Variants in WWOX observed in about 807,000 individuals in gnomAD.
The protein encoded by WWOX is WW domain-containing oxidoreductase.
Under a neutral mutation model 46.2 loss-of-function variants are expected in WWOX, and 69 were observed. That is an observed-to-expected ratio of 1.49 (90% CI 1.23 to 1.82). The LOEUF is 1.82. Among genes scored for constraint, WWOX ranks in the 40% most tolerant of loss-of-function variants. The pLI is 0.00. For synonymous variants in WWOX, 359 were observed against 202.6 expected (o/e 1.77, Z -6.56); for missense variants, 919 against 542.6 (o/e 1.69, Z -6.89).
chr16:78,487,830 G>T lies in WWOX; in HGVS notation c.1056+55078G>T, dbSNP rs188935269. On this transcript the variant is annotated intron_variant, in intron 8 of 8. Transcript: ENST00000566780. Reference sequence around the variant, plus strand: ...TTGTTTTTAGCCCTCCTTTTCTCTGGCTTCCAGGAACCACCAATCCCCCAA... The same window carrying T: ...TTGTTTTTAGCCCTCCTTTTCTCTGTCTTCCAGGAACCACCAATCCCCCAA... Among the ~76,000 whole-genome samples the T allele has an allele frequency of 5.4e-3, 821 of 152,118 alleles. 8 individuals carry two copies. Among genetic ancestry groups the T allele is most frequent in the Non-Finnish European group, 8.4e-3 (569 of 68,020 alleles).
At chr16:78,578,272 A>ATT (rs1567657334) in intron 8 of WWOX, among the ~76,000 whole-genome samples, 11 of 28,238 alleles carry the variant, frequency 3.9e-4, no homozygotes, top group African/African-American at 1.5e-3. Context: ...ATATATATAT[A>ATT]TATATATATA....
intron 8 of WWOX, among the ~76,000 whole-genome samples, chr16:78,577,370 A>G (rs2044911012): frequency 6.6e-6 from 1 of 152,214 alleles, no homozygotes; most frequent in African/African-American, 2.4e-5. Context: ...CAGAGCTTTT[A>G]AAACTGAGCA....
chr16:78,578,353 A>C (rs1347527347), intron 8 of WWOX, among the ~76,000 whole-genome samples: 1 of 126,672 alleles, frequency 7.9e-6, no homozygotes, highest in Non-Finnish European at 1.6e-5. Flanking sequence ...GCAGTGGCGC[A>C]ATCTCGGCTC....
chr16:78,113,750 C>T lies in WWOX; in HGVS notation c.231-1226C>T, dbSNP rs535242683. 3.4e-4 allele frequency among the ~76,000 whole-genome samples: 52 copies of T among 152,200 alleles called. 2 individuals are homozygous for T. The highest frequency in any genetic ancestry group is 1.2e-3 in the African/African-American group (51 of 41,496). On this transcript the variant is annotated intron_variant, in intron 3 of 8. Coordinates refer to ENST00000566780, the MANE Select transcript of WWOX (RefSeq NM_016373.4). ...ATAGTCACGTTTGGCTCTTGTAAGCCAGTTTGAGCCAGTCTAGCATAGAAC... is the reference window on the plus strand; with the variant it reads ...ATAGTCACGTTTGGCTCTTGTAAGCTAGTTTGAGCCAGTCTAGCATAGAAC...
intron 8 of WWOX, among the ~76,000 whole-genome samples, chr16:78,708,444 T>C (rs976396606): frequency 3.3e-5 from 5 of 152,188 alleles, no homozygotes; most frequent in Admixed American, 1.3e-4. Context: ...TCACAGGGTC[T>C]TGGTATCTTT....
At chr16:78,840,119 A>G (rs148094711) in intron 8 of WWOX, among the ~76,000 whole-genome samples, 65 of 152,340 alleles carry the variant, frequency 4.3e-4, no homozygotes, top group Middle Eastern at 3.4e-3. Flanking sequence ...AAAATAAGTT[A>G]TCATTATGGC....
At chr16:78,338,172 A>G (rs113203900) in intron 5 of WWOX, among the ~76,000 whole-genome samples, 13,755 of 111,904 alleles carry the variant, frequency 0.12, 4,171 homozygotes, top group East Asian at 0.21. Flanking sequence ...ACATGGAAAC[A>G]AACTTTTAAA....
intron 8 of WWOX, among the ~76,000 whole-genome samples, chr16:79,118,272 G>C (rs897673226): frequency 1.2e-4 from 19 of 152,342 alleles, no homozygotes; most frequent in Admixed American, 1.1e-3. Context: ...GAGAACAGCA[G>C]GTTGCTGGAG....
chr16:78,167,163 G>A (rs554551427), intron 5 of WWOX: 3 of 152,240 alleles, frequency 2.0e-5, no homozygotes, highest in African/African-American at 7.2e-5. Flanking sequence ...CAATATATAT[G>A]AGAACACATT....
intron 8 of WWOX, among the ~76,000 whole-genome samples, chr16:78,433,022 G>C (rs2083260917): frequency 6.6e-6 from 1 of 151,094 alleles, no homozygotes; most frequent in South Asian, 2.1e-4. Flanking sequence ...TGATTTTTTT[G>C]TTTGTTTGGT....
At chr16:78,736,046 A>G (rs2049084191) in intron 8 of WWOX, among the ~76,000 whole-genome samples, 1 of 152,174 alleles carries the variant, frequency 6.6e-6, no homozygotes, top group African/African-American at 2.4e-5. Flanking sequence ...CAGACTAGAG[A>G]TGAAGACAGG....
intron 8 of WWOX, among the ~76,000 whole-genome samples, chr16:78,869,243 A>G (rs1029011308): frequency 6.6e-6 from 1 of 152,098 alleles, no homozygotes; most frequent in Non-Finnish European, 1.5e-5. Flanking sequence ...GCAGATCTCT[A>G]TCCTGTCACC....
chr16:78,381,884 C>G (rs184684500), intron 5 of WWOX, among the ~76,000 whole-genome samples: 1 of 151,986 alleles, frequency 6.6e-6, no homozygotes, highest in Non-Finnish European at 1.5e-5. Flanking sequence ...TCCTTTTTTA[C>G]TCAGACAGTC....
intron 8 of WWOX, among the ~76,000 whole-genome samples, chr16:78,774,399 C>G (rs75314226): frequency 1.0e-3 from 157 of 150,300 alleles, no homozygotes; most frequent in African/African-American, 3.6e-3. Context: ...GACAATGTCT[C>G]AAAAAAAAAG....
chr16:78,417,032 C>T (rs1307421645), intron 6 of WWOX, among the ~76,000 whole-genome samples: 1 of 120,952 alleles, frequency 8.3e-6, no homozygotes, highest in Non-Finnish European at 1.5e-5. Flanking sequence ...GTCAGGTGAC[C>T]CTTTGGGGGT....
chr16:79,107,030 C>T (rs2049324690), intron 8 of WWOX, among the ~76,000 whole-genome samples: 1 of 151,988 alleles, frequency 6.6e-6, no homozygotes, highest in Admixed American at 6.5e-5. Flanking sequence ...AGGCTGGTCT[C>T]GATCTCCTGA....
chr16:79,003,468 G>A (rs571259286), intron 8 of WWOX, among the ~76,000 whole-genome samples: 3 of 152,254 alleles, frequency 2.0e-5, no homozygotes, highest in East Asian at 3.9e-4. Flanking sequence ...GGCGTAAAAC[G>A]ACAACAGTTT....
At chr16:79,011,459 T>TTTTTTTTATTTA (rs533216805) in intron 8 of WWOX, among the ~76,000 whole-genome samples, 26 of 131,978 alleles carry the variant, frequency 2.0e-4, no homozygotes, top group Non-Finnish European at 3.4e-4. Flanking sequence ...TTATTTTTTA[T>TTTTTTTTATTTA]TTTATTTATT....
intron 8 of WWOX, among the ~76,000 whole-genome samples, chr16:79,014,730 C>T (rs922510201): frequency 6.6e-6 from 1 of 152,200 alleles, no homozygotes; most frequent in Admixed American, 6.5e-5. Context: ...GAGTCACTTT[C>T]TGGAGTGTAC....
Sources: allele counts gnomAD v4.1 joint callset (sites outside exome capture counted in the v4.1 genomes callset), GRCh38; gene constraint gnomAD v4.1.1; transcripts MANE v1.5; gene names NCBI Gene and HGNC (gene_info 2026-07-23, HGNC 2026-07-21).